Variants in ATXN1 observed in about 807,000 individuals in gnomAD.
ATXN1 encodes ataxin 1.
ATXN1 carries 8 observed loss-of-function variants against 56.4 expected under a neutral mutation model. The ratio of observed to expected loss-of-function variants is 0.14; its 90% CI spans 0.08 to 0.26. The LOEUF is 0.26. ATXN1 is among the 10% of genes least tolerant of loss of function. The probability of loss-of-function intolerance (pLI) is 1.00; values close to 1 mark genes in which losing one functional copy is unlikely to be tolerated. For missense variants in ATXN1, 987 were observed against 1,106.5 expected, an observed-to-expected ratio of 0.89 and a Z score of 1.53; for synonymous variants, 514 against 494.6, an observed-to-expected ratio of 1.04 and a Z score of -0.52.
At position 16,348,519 on chromosome 6, in the gene ATXN1, C is replaced by T. The variant is rs559108754; in HGVS notation, c.-160-20049G>A. ...TTCGAGACCAGCCTGGTCAATGTGG[C>T]AAAGCCCCGTCTCTACTAAAAATAC... On this transcript the variant is annotated intron_variant, in intron 6 of 7. Transcript: ENST00000436367. Among the ~76,000 whole-genome samples, 16 of 152,028 alleles carry T rather than the reference C, an allele frequency of 1.1e-4. No individual in the cohort carries two copies. In the East Asian group the frequency reaches 3.1e-3, roughly 29 times the overall value.
chr6:16,687,886 C>T (rs1459368835), intron 2 of ATXN1, among the ~76,000 whole-genome samples: 1 of 152,106 alleles, frequency 6.6e-6, no homozygotes, highest in Non-Finnish European at 1.5e-5. Context: ...AAACAAACAC[C>T]TCTGGCAGAA....
At chr6:16,513,031 G>C (rs1761112157) in intron 5 of ATXN1, among the ~76,000 whole-genome samples, 1 of 152,218 alleles carries the variant, frequency 6.6e-6, no homozygotes, top group Non-Finnish European at 1.5e-5. Flanking sequence ...TTCAGTATCT[G>C]TTCTTGCAGT....
intron 6 of ATXN1, among the ~76,000 whole-genome samples, chr6:16,353,223 A>T (rs1327163022): frequency 6.6e-6 from 1 of 152,322 alleles, no homozygotes; most frequent in Non-Finnish European, 1.5e-5. Flanking sequence ...GTTCTAGGAA[A>T]ATACTCCACA....
intron 3 of ATXN1, among the ~76,000 whole-genome samples, chr6:16,594,097 A>C (rs1436676301): frequency 6.7e-6 from 1 of 149,452 alleles, no homozygotes; most frequent in Non-Finnish European, 1.5e-5. Flanking sequence ...ACAGGGATAG[A>C]AGCTAATATA....
At chr6:16,447,220 A>T (rs1000915851) in intron 6 of ATXN1, among the ~76,000 whole-genome samples, 6 of 152,178 alleles carry the variant, frequency 3.9e-5, no homozygotes, top group East Asian at 1.9e-4. Context: ...TTTTTTAAAA[A>T]TTTTTAATTA....
chr6:16,581,195 C>CTGTGTG lies in ATXN1; in HGVS notation c.-361+4579_-361+4584dup, dbSNP rs60028007. ...AAAAGACCCCATGTTCGAGAATGCA[C>CTGTGTG]TGTGTGTGTGTGTGTGTGTGTGTGT... On this transcript the variant is annotated intron_variant, in intron 4 of 7. Coordinates refer to ENST00000436367, the MANE Select transcript of ATXN1 (RefSeq NM_001128164.2). Among the ~76,000 whole-genome samples, 422 of 140,248 alleles carry CTGTGTG rather than the reference C, an allele frequency of 3.0e-3. 2 individuals are homozygous for CTGTGTG. The highest frequency in any genetic ancestry group is 6.3e-3 in the African/African-American group (235 of 37,556). The allele number at this position is 140,248 out of a possible 152,430, so 92.0% of individuals were successfully genotyped here. A position where few individuals can be genotyped will look rare whatever the true frequency, so the allele number is the denominator to read the frequency against.
At chr6:16,589,037 T>C (rs1762677054) in intron 3 of ATXN1, among the ~76,000 whole-genome samples, 1 of 152,052 alleles carries the variant, frequency 6.6e-6, no homozygotes, top group African/African-American at 2.4e-5. Flanking sequence ...GACCCCATCT[T>C]GTTTCCCTCA....
intron 6 of ATXN1, among the ~76,000 whole-genome samples, chr6:16,357,209 CATTTTT>C (rs1214352332): frequency 7.3e-5 from 11 of 151,202 alleles, no homozygotes; most frequent in Non-Finnish European, 1.3e-4. Context: ...GGGTTTGAGA[CATTTTT>C]ATTTTTATTT....
At chr6:16,733,880 G>A (rs923947843) in intron 2 of ATXN1, among the ~76,000 whole-genome samples, 7 of 151,960 alleles carry the variant, frequency 4.6e-5, no homozygotes, top group Admixed American at 3.9e-4. Flanking sequence ...GGGTGGAGTG[G>A]CTCATGCCTG....
chr6:16,586,040 T>TGCGCGC (rs111597397), intron 3 of ATXN1, 133 bp from the exon 4 acceptor site: 23 of 149,204 alleles, frequency 1.5e-4, no homozygotes, highest in African/African-American at 4.8e-4. Flanking sequence ...CACGCAAGCA[T>TGCGCGC]GCGCACACAC....
chr6:16,434,889 T>G (rs1759356260), intron 6 of ATXN1, among the ~76,000 whole-genome samples: 1 of 152,096 alleles, frequency 6.6e-6, no homozygotes, highest in Non-Finnish European at 1.5e-5. Context: ...AACGGGGTGA[T>G]GGGAACAGTT....
Position 16,559,688 on chromosome 6 carries a change from A to C in ATXN1, c.-361+26092T>G, listed in dbSNP as rs1762079650. On this transcript the variant is annotated intron_variant, in intron 4 of 7. Coordinates refer to ENST00000436367, the MANE Select transcript of ATXN1 (RefSeq NM_001128164.2). Reference sequence around the variant, plus strand: ...AGACACAGAAATAAGAGAGATGCTTATTTTTCCTTGTACATCTATCGTACC... The same window carrying C: ...AGACACAGAAATAAGAGAGATGCTTCTTTTTCCTTGTACATCTATCGTACC... Among the ~76,000 whole-genome samples the C allele has an allele frequency of 2.6e-5, 4 of 152,164 alleles. No individual in the cohort carries two copies. In the South Asian group the frequency reaches 8.3e-4, roughly 31 times the overall value.
chr6:16,306,937 G>A lies in ATXN1; in HGVS notation c.1918-78C>T, dbSNP rs1053224987. Reference sequence around the variant, plus strand: ...ACATTTTATTCTTGTTTGATTTTATGCACACACACAGGTATGAACTCACAC... The same window carrying A: ...ACATTTTATTCTTGTTTGATTTTATACACACACACAGGTATGAACTCACAC... On this transcript the variant is annotated intron_variant, in intron 7 of 7. Coordinates refer to ENST00000436367, the MANE Select transcript of ATXN1 (RefSeq NM_001128164.2). The surrounding 1 kb of genome is among the most constrained non-coding windows in gnomAD (Gnocchi z 5.2). 2.8e-6 allele frequency: 4 copies of A among 1,454,288 alleles called. No individual in the cohort carries two copies. Among genetic ancestry groups the A allele is most frequent in the Non-Finnish European group, 3.7e-6 (4 of 1,087,314 alleles). The allele number at this position is 1,454,288 out of a possible 1,614,324, so 90.1% of individuals were successfully genotyped here.
rs556388155 is a variant in ATXN1, at chr6:16,394,769, C to T, written c.-160-66299G>A. Among the ~76,000 whole-genome samples, 7 of 152,246 alleles carry T rather than the reference C, an allele frequency of 4.6e-5. No individual in the cohort carries two copies. In the South Asian group the frequency reaches 1.2e-3, roughly 27 times the overall value. On this transcript the variant is annotated intron_variant, in intron 6 of 7. Coordinates refer to ENST00000436367, the MANE Select transcript of ATXN1 (RefSeq NM_001128164.2). ...GAGATATGCAGTAGAGAATGTGAGA[C>T]CAAGAGTAGACAGCCAGTCCAAAGT...
chr6:16,578,039 CATTA>C (rs1301693455), intron 4 of ATXN1, among the ~76,000 whole-genome samples: 1 of 152,158 alleles, frequency 6.6e-6, no homozygotes, highest in Non-Finnish European at 1.5e-5. Flanking sequence ...TCTCCCACTA[CATTA>C]ATTTTATTAC....
chr6:16,534,856 T>C (rs1761568486), intron 4 of ATXN1, among the ~76,000 whole-genome samples: 1 of 152,250 alleles, frequency 6.6e-6, no homozygotes, highest in Non-Finnish European at 1.5e-5. Flanking sequence ...ACAGCTTTCT[T>C]TGAATGCTCT....
Position 16,306,703 on chromosome 6 carries a change from T to C in ATXN1, c.2074A>G (p.Asn692Asp). ...CISLTLKNLK[N>D]GSVKKGQPVD... The stretch of plus-strand genomic sequence containing the variant: ...GGCTGGCCCTTTTTAACAGAGCCGT[T>C]CTTCAGGTTCTTGAGGGTAAGCGAG... The change falls in exon 8 of 8, where the codon AAC becomes GAC. Residue 692 changes from asparagine to aspartate, a missense_variant. Physicochemically the swap from Asn to Asp is conservative, Grantham distance 23. Coordinates refer to ENST00000436367, the MANE Select transcript of ATXN1 (RefSeq NM_001128164.2). The surrounding 1 kb of genome is among the most constrained non-coding windows in gnomAD (Gnocchi z 5.2). 1 of 1,614,188 alleles carries C rather than the reference T, an allele frequency of 6.2e-7. No homozygotes were observed. Among genetic ancestry groups the C allele is most frequent in the Non-Finnish European group, 8.5e-7 (1 of 1,180,034 alleles).
intron 3 of ATXN1, among the ~76,000 whole-genome samples, chr6:16,637,549 A>G (rs575192682): frequency 1.3e-5 from 2 of 152,170 alleles, no homozygotes; most frequent in Admixed American, 6.5e-5. Context: ...AAACTAATTG[A>G]GCACACTAGA....
chr6:16,505,227 C>T (rs1760961079), intron 5 of ATXN1, among the ~76,000 whole-genome samples: 1 of 152,124 alleles, frequency 6.6e-6, no homozygotes, highest in African/African-American at 2.4e-5. Context: ...AAGAAGAAAA[C>T]ATACCGGCAG....
Sources: allele counts gnomAD v4.1 joint callset (sites outside exome capture counted in the v4.1 genomes callset), GRCh38; gene constraint gnomAD v4.1.1; non-coding constraint Gnocchi (gnomAD v3.1); transcripts MANE v1.5; gene names NCBI Gene and HGNC (gene_info 2026-07-23, HGNC 2026-07-21).